BTG4: variants seen among roughly 807,000 people sequenced by gnomAD.
BTG4 encodes BTG anti-proliferation factor 4.
In BTG4, 10 loss-of-function variants were observed where a neutral mutation model predicts 19.3. The observed-to-expected ratio is 0.52, with a 90% CI of 0.32 to 0.88. The LOEUF is 0.88. BTG4 is among the 40% of genes least tolerant of loss of function. The pLI is 0.04. For missense variants in BTG4, 238 were observed against 281.9 expected, an observed-to-expected ratio of 0.84 and a Z score of 1.11; for synonymous variants, 91 against 95.7, an observed-to-expected ratio of 0.95 and a Z score of 0.29.
chr11:111,510,066 C>T (rs1047300833), intron 1 of BTG4, among the ~76,000 whole-genome samples: 6 of 151,836 alleles, frequency 4.0e-5, no homozygotes, highest in African/African-American at 1.5e-4. Flanking sequence ...CGCGCACCAC[C>T]ACGCCCAGCT....
At chr11:111,440,286 C>T in the BTG4 span, among the ~76,000 whole-genome samples, 1 of 152,122 alleles carries the variant, frequency 6.6e-6, no homozygotes, top group Non-Finnish European at 1.5e-5. Flanking sequence ...CTCTAAAATC[C>T]CAGAATCTCA....
At chr11:111,478,731 G>A (rs1047233262) in intron 5 of BTG4, among the ~76,000 whole-genome samples, 3 of 151,992 alleles carry the variant, frequency 2.0e-5, no homozygotes, top group Admixed American at 6.6e-5. Flanking sequence ...ATAAAGCTTC[G>A]TGAATAGGCT....
At chr11:111,412,812 G>A in the BTG4 span, among the ~76,000 whole-genome samples, 2 of 152,194 alleles carry the variant, frequency 1.3e-5, no homozygotes, top group African/African-American at 4.8e-5. Context: ...GAAGAATGGC[G>A]AGTGGGAAGA....
At chr11:111,398,232 A>G in the BTG4 span, among the ~76,000 whole-genome samples, 1 of 152,208 alleles carries the variant, frequency 6.6e-6, no homozygotes, top group Admixed American at 6.5e-5. Flanking sequence ...AGATAGCTCT[A>G]TATGTTCACA....
chr11:111,456,499 G>A, the BTG4 span: 1 of 456,480 alleles, frequency 2.2e-6, no homozygotes, highest in Non-Finnish European at 4.4e-6. This position sits in a 1 kb window ranked among gnomAD's most constrained non-coding sequence, Gnocchi z 4.2. Context: ...AGCAGGCAAT[G>A]ATTGCTTTCC....
chr11:111,433,415 A>C, the BTG4 span, among the ~76,000 whole-genome samples: 1 of 152,244 alleles, frequency 6.6e-6, no homozygotes, highest in Admixed American at 6.5e-5. Context: ...AAGATGGATT[A>C]AAGACTTAAA....
Position 111,497,205 on chromosome 11 carries a change from C to G in BTG4, c.510+6G>C, listed in dbSNP as rs1381680841. ...AAGTATAGAAAAGAACTGGAACACT[C>G]TTGACCTGATAAATACTCTTCGGAT... On this transcript the variant is annotated splice_donor_region_variant and intron_variant, in intron 4 of 4. Coordinates refer to ENST00000692032, the MANE Select transcript of BTG4 (RefSeq NM_001367975.1). The G allele has an allele frequency of 1.2e-6, 2 of 1,611,618 alleles. No individual in the cohort carries two copies. The highest frequency in any genetic ancestry group is 1.7e-5 in the Admixed American group (1 of 59,848).
At chr11:111,422,213 G>A in the BTG4 span, among the ~76,000 whole-genome samples, 5 of 152,124 alleles carry the variant, frequency 3.3e-5, no homozygotes, top group Admixed American at 2.0e-4. Context: ...CCAGCAAATC[G>A]TTCCTCCAGC....
the BTG4 span, chr11:111,450,367 C>G: frequency 6.5e-6 from 1 of 152,702 alleles, no homozygotes; most frequent in East Asian, 1.9e-4. Flanking sequence ...CCAGCCTTCC[C>G]CACCACGTGC....
At chr11:111,407,633 C>T in the BTG4 span, among the ~76,000 whole-genome samples, 1 of 152,162 alleles carries the variant, frequency 6.6e-6, no homozygotes, top group Non-Finnish European at 1.5e-5. Flanking sequence ...ATCGCACCAT[C>T]GCACTCCAGC....
chr11:111,425,844 T>A, the BTG4 span, among the ~76,000 whole-genome samples: 4 of 152,032 alleles, frequency 2.6e-5, no homozygotes, highest in African/African-American at 4.8e-5. Flanking sequence ...CTAGCCTGGG[T>A]AACATAGTGA....
the BTG4 span, among the ~76,000 whole-genome samples, chr11:111,447,467 G>A: frequency 6.6e-6 from 1 of 152,198 alleles, no homozygotes; most frequent in African/African-American, 2.4e-5. Flanking sequence ...CATCTCTCCT[G>A]CAGCATTTCA....
At chr11:111,398,860 A>T in the BTG4 span, among the ~76,000 whole-genome samples, 3 of 152,018 alleles carry the variant, frequency 2.0e-5, no homozygotes, top group Non-Finnish European at 4.4e-5. Flanking sequence ...CATAAGTGAT[A>T]TTGCTGCAAG....
downstream of BTG4, among the ~76,000 whole-genome samples, chr11:111,493,150 G>GAAAC (rs561088459): frequency 5.9e-5 from 9 of 151,994 alleles, no homozygotes; most frequent in African/African-American, 9.7e-5. Flanking sequence ...TGTCTCAAAG[G>GAAAC]AAACAAACAA....
At position 111,502,220 on chromosome 11, in the gene BTG4, C is replaced by T. The variant is rs1258205237; in HGVS notation, c.-26-3418G>A. On this transcript the variant is annotated intron_variant, in intron 1 of 4. Coordinates refer to ENST00000692032, the MANE Select transcript of BTG4 (RefSeq NM_001367975.1). ...CTCCTGGGCTCAAGGAACCTTCCTG[C>T]CTTGGCCTCTCAAAGTGCTAGGATT... 2.0e-5 allele frequency among the ~76,000 whole-genome samples: 3 copies of T among 152,108 alleles called. No homozygotes were observed. In the East Asian group the frequency reaches 5.8e-4, roughly 29 times the overall value.
intron 5 of BTG4, among the ~76,000 whole-genome samples, chr11:111,474,650 A>G (rs1411844080): frequency 1.3e-5 from 2 of 152,142 alleles, no homozygotes; most frequent in Non-Finnish European, 2.9e-5. Context: ...GTGATGATAC[A>G]TAACTATATT....
At chr11:111,495,356 A>G (rs1320435515) in intron 4 of BTG4, 42 bp from the exon 5 acceptor site, 1 of 1,536,340 alleles carries the variant, frequency 6.5e-7, no homozygotes, top group African/African-American at 1.4e-5. Flanking sequence ...AGCTAGCTGT[A>G]AGGACTAAAT....
chr11:111,476,839 G>A (rs1305268965), intron 5 of BTG4, among the ~76,000 whole-genome samples: 1 of 152,156 alleles, frequency 6.6e-6, no homozygotes, highest in Non-Finnish European at 1.5e-5. Context: ...AGACTCTCTA[G>A]TATTTTAAGA....
At chr11:111,471,387 T>A (rs1372460256) in intron 5 of BTG4, among the ~76,000 whole-genome samples, 1 of 152,210 alleles carries the variant, frequency 6.6e-6, no homozygotes. Flanking sequence ...CAGAATTCTG[T>A]TGGACCCCAA....
Sources: allele counts gnomAD v4.1 joint callset (sites outside exome capture counted in the v4.1 genomes callset), GRCh38; gene constraint gnomAD v4.1.1; non-coding constraint Gnocchi (gnomAD v3.1); transcripts MANE v1.5; gene names NCBI Gene and HGNC (gene_info 2026-07-23, HGNC 2026-07-21).